EEF2K: variants seen among roughly 807,000 people sequenced by gnomAD.
EEF2K encodes the protein alternative protein EEF2K.
Under a neutral mutation model 93.8 loss-of-function variants are expected in EEF2K, and 70 were observed. The observed-to-expected ratio is 0.75, with a 90% CI of 0.62 to 0.91. The LOEUF is 0.91. Among genes scored for constraint, EEF2K ranks in the 40% least tolerant of loss-of-function variants. The pLI is 0.00. For missense variants in EEF2K, 935 were observed against 972.9 expected, an observed-to-expected ratio of 0.96 and a Z score of 0.52; for synonymous variants, 376 against 380.8, an observed-to-expected ratio of 0.99 and a Z score of 0.15.
chr16:22,259,238 A>G (rs2047439028), intron 10 of EEF2K, among the ~76,000 whole-genome samples: 1 of 152,194 alleles, frequency 6.6e-6, no homozygotes. Context: ...AGTCTGTAGG[A>G]AAGGATAGAG....
chr16:22,225,078 G>A (rs1165071552), intron 1 of EEF2K, among the ~76,000 whole-genome samples: 1 of 152,182 alleles, frequency 6.6e-6, no homozygotes, highest in African/African-American at 2.4e-5. Context: ...TCACTGAAGA[G>A]GCATCTGTGA....
intron 3 of EEF2K, among the ~76,000 whole-genome samples, chr16:22,246,774 T>C: frequency 6.6e-6 from 1 of 151,738 alleles, no homozygotes; most frequent in East Asian, 2.0e-4. Context: ...GTGCGATGGC[T>C]CACGCCTGTA....
chr16:22,259,586 T>G (rs189661261), intron 10 of EEF2K, among the ~76,000 whole-genome samples: 2 of 152,198 alleles, frequency 1.3e-5, no homozygotes, highest in Non-Finnish European at 2.9e-5. Context: ...TGAGTGGATG[T>G]GGCTGTGTTC....
At chr16:22,257,567 A>G (rs2141674174) in intron 8 of EEF2K, 76 bp from the exon 9 acceptor site, 3 of 1,579,086 alleles carry the variant, frequency 1.9e-6, no homozygotes, top group Non-Finnish European at 1.7e-6. Flanking sequence ...CCCTGGCCAT[A>G]TGTATGAGGC....
chr16:22,231,999 A>AAC (rs2047120622), intron 2 of EEF2K, among the ~76,000 whole-genome samples: 1 of 60,282 alleles, frequency 1.7e-5, no homozygotes, highest in African/African-American at 8.1e-5. Context: ...TTAAACAAAC[A>AAC]AAAAAAAAAA....
intron 4 of EEF2K, 114 bp downstream of exon 4, chr16:22,248,929 C>T (rs567057410): frequency 9.5e-5 from 96 of 1,009,920 alleles, no homozygotes; most frequent in South Asian, 4.9e-4. Flanking sequence ...TTTGTAACTT[C>T]GGGGGATTCT....
chr16:22,252,916 A>T (rs1225801524), intron 6 of EEF2K, among the ~76,000 whole-genome samples: 1 of 152,098 alleles, frequency 6.6e-6, no homozygotes, highest in East Asian at 1.9e-4. Context: ...GTATGGGGGA[A>T]ACCACCCCCA....
intron 17 of EEF2K, among the ~76,000 whole-genome samples, chr16:22,283,328 A>AAAAAAAAAAAAG (rs2047715533): frequency 7.0e-6 from 1 of 142,926 alleles, no homozygotes; most frequent in African/African-American, 2.8e-5. Context: ...AAAAAAAAAA[A>AAAAAAAAAAAAG]AAGAAGAAGA....
intron 1 of EEF2K, among the ~76,000 whole-genome samples, chr16:22,215,857 G>A (rs753854068): frequency 6.6e-5 from 10 of 152,138 alleles, no homozygotes; most frequent in South Asian, 4.1e-4. Context: ...TCCGGGAGGC[G>A]GAGGTTGCAG....
chr16:22,244,332 TAATGA>T (rs1361413448), intron 2 of EEF2K, among the ~76,000 whole-genome samples: 1 of 151,456 alleles, frequency 6.6e-6, no homozygotes, highest in Non-Finnish European at 1.5e-5. Flanking sequence ...AATATATATA[TAATGA>T]AATGTTAGCC....
intron 15 of EEF2K, 104 bp downstream of exon 15, chr16:22,266,980 T>C: frequency 7.2e-7 from 1 of 1,394,538 alleles, no homozygotes; most frequent in Non-Finnish European, 9.7e-7. Flanking sequence ...CTGCCTTCTA[T>C]CCTGAGGTTT....
intron 3 of EEF2K, among the ~76,000 whole-genome samples, chr16:22,246,515 T>TAAAAAA (rs746408835): frequency 1.4e-5 from 1 of 70,490 alleles, no homozygotes; most frequent in African/African-American, 6.3e-5. Context: ...GACTCAGTCT[T>TAAAAAA]AAAAAAAAAA....
intron 12 of EEF2K, among the ~76,000 whole-genome samples, chr16:22,263,779 T>C (rs1479537205): frequency 6.6e-6 from 1 of 152,124 alleles, no homozygotes; most frequent in Non-Finnish European, 1.5e-5. Context: ...GAGAGGATCC[T>C]GGGTAATAGC....
rs201316012 is a variant in EEF2K at position 22,249,779 on chromosome 16, T to A, written c.409-875T>A. On this transcript the variant is annotated intron_variant, in intron 4 of 17. Transcript: ENST00000263026. The stretch of plus-strand genomic sequence containing the variant: ...TGCACCGTCACACCCAGTCAATTTT[T>A]AAAAATTTTTTTTTTTTTGGAGATA... 1.6e-3 allele frequency among the ~76,000 whole-genome samples: 242 copies of A among 151,960 alleles called. 2 individuals are homozygous for A. The East Asian group carries it at 0.033, about 21-fold the overall frequency.
intron 6 of EEF2K, among the ~76,000 whole-genome samples, chr16:22,255,328 G>C (rs973685413): frequency 9.2e-5 from 14 of 152,158 alleles, no homozygotes; most frequent in African/African-American, 3.1e-4. Flanking sequence ...TGGGTGGCTT[G>C]GGGTAGGCTT....
At chr16:22,234,424 G>A (rs1371675960) in intron 2 of EEF2K, among the ~76,000 whole-genome samples, 2 of 152,138 alleles carry the variant, frequency 1.3e-5, no homozygotes, top group East Asian at 3.8e-4. Flanking sequence ...GGGCGTGGTG[G>A]TGTGAGACTG....
At chr16:22,264,467 G>A (rs1017612444) in intron 12 of EEF2K, among the ~76,000 whole-genome samples, 3 of 151,994 alleles carry the variant, frequency 2.0e-5, no homozygotes, top group Non-Finnish European at 4.4e-5. Flanking sequence ...CAAGACCCAT[G>A]TCTAAATTAA....
chr16:22,257,485 G>A (rs1399067161), intron 8 of EEF2K, 100 bp downstream of exon 8: 49 of 1,554,618 alleles, frequency 3.2e-5, no homozygotes, highest in East Asian at 6.7e-5. Flanking sequence ...GACACTGTAC[G>A]CGCTTTTTCA....
chr16:22,279,293 A>G (rs1421411553), intron 16 of EEF2K, among the ~76,000 whole-genome samples: 1 of 145,896 alleles, frequency 6.9e-6, no homozygotes, highest in Non-Finnish European at 1.5e-5. Context: ...GCTGGAGTGC[A>G]GTGGCATGAT....
Sources: gnomAD v4.1 joint callset for allele counts (sites outside exome capture counted in the v4.1 genomes callset) on GRCh38, gnomAD v4.1.1 for gene constraint, MANE v1.5 for transcripts, NCBI Gene and HGNC (gene_info 2026-07-23, HGNC 2026-07-21) for gene names.